Variants in TRHDE observed in about 807,000 individuals in gnomAD.
TRHDE encodes thyrotropin releasing hormone degrading enzyme, also known as thyrotropin-releasing hormone-degrading ectoenzyme.
Under a neutral mutation model 125.7 loss-of-function variants are expected in TRHDE, and 72 were observed. The ratio of observed to expected loss-of-function variants is 0.57; its 90% CI spans 0.47 to 0.70. The LOEUF is 0.70. TRHDE is among the 30% of genes least tolerant of loss of function. The pLI, the probability that TRHDE is intolerant of heterozygous loss-of-function variation, is 0.00. For synonymous variants in TRHDE, 509 were observed against 509.1 expected (o/e 1.00, Z 0.00); for missense variants, 1,110 against 1,327.1 (o/e 0.84, Z 2.54).
intron 12 of TRHDE, among the ~76,000 whole-genome samples, chr12:72,606,897 T>A (rs1388540729): frequency 1.3e-5 from 2 of 152,226 alleles, no homozygotes; most frequent in South Asian, 4.1e-4. Context: ...TCACTGTGTA[T>A]CTCTAATAAT....
intron 7 of TRHDE, among the ~76,000 whole-genome samples, chr12:72,555,934 G>A (rs920894466): frequency 9.9e-5 from 15 of 152,124 alleles, no homozygotes; most frequent in African/African-American, 3.6e-4. Context: ...TGGAAGCTTT[G>A]TTTAAGACAA....
At chr12:72,479,868 T>C (rs932614407) in intron 5 of TRHDE, among the ~76,000 whole-genome samples, 9 of 149,754 alleles carry the variant, frequency 6.0e-5, no homozygotes, top group Non-Finnish European at 3.0e-5. Context: ...TGTGTCCATG[T>C]GTTCTCATTG....
intron 1 of TRHDE, among the ~76,000 whole-genome samples, chr12:72,284,233 A>G (rs1175772735): frequency 2.6e-5 from 4 of 152,166 alleles, no homozygotes; most frequent in Non-Finnish European, 4.4e-5. Context: ...CAGATAAGAG[A>G]CACTCAACCT....
chr12:72,314,357 TA>T (rs923149586), intron 2 of TRHDE, among the ~76,000 whole-genome samples: 1 of 151,036 alleles, frequency 6.6e-6, no homozygotes, highest in African/African-American at 2.4e-5. Flanking sequence ...TCTTTTTTTT[TA>T]AAAAAAGAAA....
intron 14 of TRHDE, 38 bp from the exon 15 acceptor site, chr12:72,621,606 C>G (rs1278289683): frequency 1.4e-6 from 2 of 1,472,818 alleles, no homozygotes; most frequent in Non-Finnish European, 9.3e-7. Flanking sequence ...ATTTCCCTAA[C>G]TTTCTTTTTA....
At chr12:72,581,650 A>G (rs1406162951) in intron 12 of TRHDE, among the ~76,000 whole-genome samples, 1 of 152,186 alleles carries the variant, frequency 6.6e-6, no homozygotes, top group African/African-American at 2.4e-5. Flanking sequence ...CTACTCTGTT[A>G]AAAAATCCAG....
At chr12:72,269,525 A>G (rs1879145080), upstream of TRHDE, among the ~76,000 whole-genome samples, 1 of 152,220 alleles carries the variant, frequency 6.6e-6, no homozygotes, top group South Asian at 2.1e-4. Context: ...TTTCAGAAGT[A>G]CATAAACACA....
chr12:72,090,538 G>A (rs937484291), intron 1 of TRHDE, among the ~76,000 whole-genome samples: 5 of 152,046 alleles, frequency 3.3e-5, no homozygotes, highest in African/African-American at 9.7e-5. Context: ...TGATTACTTG[G>A]AGCATGTTTT....
intron 18 of TRHDE, among the ~76,000 whole-genome samples, chr12:72,657,292 T>C (rs1291675495): frequency 3.3e-5 from 5 of 152,148 alleles, no homozygotes. Flanking sequence ...CAGCTATTCC[T>C]CAAATGATTC....
intron 2 of TRHDE, among the ~76,000 whole-genome samples, chr12:72,162,433 A>T (rs1344679978): frequency 6.6e-6 from 1 of 152,146 alleles, no homozygotes; most frequent in African/African-American, 2.4e-5. Flanking sequence ...GTCACATCAG[A>T]ATTAGTATGG....
intron 1 of TRHDE, among the ~76,000 whole-genome samples, chr12:72,102,874 A>C (rs1356921615): frequency 6.6e-6 from 1 of 152,180 alleles, no homozygotes; most frequent in Non-Finnish European, 1.5e-5. Flanking sequence ...CCTTGGAGGC[A>C]TTGTCACAGC....
intron 3 of TRHDE, among the ~76,000 whole-genome samples, chr12:72,411,539 A>C (rs762605133): frequency 3.9e-5 from 6 of 152,100 alleles, no homozygotes; most frequent in Non-Finnish European, 5.9e-5. Flanking sequence ...AAAAATTATT[A>C]AAAATTTCAG....
intron 15 of TRHDE, among the ~76,000 whole-genome samples, chr12:72,634,034 C>T (rs2136089348): frequency 6.6e-6 from 1 of 152,176 alleles, no homozygotes; most frequent in South Asian, 2.1e-4. Flanking sequence ...GGGCAGTGCA[C>T]ATTGTGGAGA....
chr12:72,275,831 C>T (rs963911848), intron 1 of TRHDE, among the ~76,000 whole-genome samples: 1 of 152,160 alleles, frequency 6.6e-6, no homozygotes. Context: ...AAGTAAACAA[C>T]TTGGTTGGAA....
chr12:72,157,128 T>C (rs896442715), intron 2 of TRHDE, among the ~76,000 whole-genome samples: 7 of 152,074 alleles, frequency 4.6e-5, no homozygotes, highest in East Asian at 3.9e-4. Context: ...TTTTTCTTTT[T>C]TTTTTTTTGA....
intron 4 of TRHDE, among the ~76,000 whole-genome samples, chr12:72,471,340 G>A (rs1027318275): frequency 3.3e-5 from 5 of 152,262 alleles, no homozygotes; most frequent in Admixed American, 6.5e-5. Flanking sequence ...GGTTTTGACC[G>A]AATATCATGT....
At chr12:72,642,576 T>A (rs775119176) in intron 15 of TRHDE, among the ~76,000 whole-genome samples, 9 of 152,162 alleles carry the variant, frequency 5.9e-5, no homozygotes, top group Non-Finnish European at 1.3e-4. Flanking sequence ...TGTATGAGGG[T>A]AGCTAGGAGA....
chr12:72,622,314 A>C (rs1040124156), intron 15 of TRHDE, among the ~76,000 whole-genome samples: 1 of 152,106 alleles, frequency 6.6e-6, no homozygotes. Flanking sequence ...ATTACTTTTA[A>C]GGAAAAAAAT....
rs1329134159 is a variant in TRHDE, at chr12:72,618,986, T to C, written c.2417T>C (p.Leu806Pro). Reference sequence around the variant, plus strand: ...CCTTGGCATGCTGCCAGCCGAGCTCTTTATCCTCTAGATAAATTACTGGAC... The same window carrying C: ...CCTTGGCATGCTGCCAGCCGAGCTCCTTATCCTCTAGATAAATTACTGGAC... ...FLPWHAASRA[L>P]YPLDKLLDRM... Residue 806 changes from leucine (L) to proline (P), a missense_variant, in exon 13 of 19, where the codon CTT (leucine) becomes CCT (proline). Transcript: ENST00000261180. The C allele has an allele frequency of 5.6e-6, 9 of 1,601,338 alleles. No homozygotes were observed. The highest frequency in any genetic ancestry group is 7.7e-6 in the Non-Finnish European group (9 of 1,173,854).
Sources: allele counts gnomAD v4.1 joint callset (sites outside exome capture counted in the v4.1 genomes callset), GRCh38; gene constraint gnomAD v4.1.1; transcripts MANE v1.5; gene names NCBI Gene and HGNC (gene_info 2026-07-23, HGNC 2026-07-21).